SEC31A: variants seen among roughly 807,000 people sequenced by gnomAD.
The protein encoded by SEC31A is SEC31 homolog A, COPII component.
Under a neutral mutation model 151.0 loss-of-function variants are expected in SEC31A, and 70 were observed. That is an observed-to-expected ratio of 0.46 (90% CI 0.38 to 0.57). The LOEUF (loss-of-function observed/expected upper bound fraction) is 0.57, where lower values mean the gene tolerates loss of function less well. Among genes scored for constraint, SEC31A ranks in the 20% least tolerant of loss-of-function variants. The pLI is 0.00. For missense variants in SEC31A, 1,330 were observed against 1,471.2 expected (o/e 0.90, Z 1.57); for synonymous variants, 475 against 505.9 (o/e 0.94, Z 0.82).
chr4:82,886,449 G>C (rs1378611371), intron 1 of SEC31A, among the ~76,000 whole-genome samples: 1 of 152,106 alleles, frequency 6.6e-6, no homozygotes, highest in African/African-American at 2.4e-5. Flanking sequence ...TTATAATAGG[G>C]AGCCAAAAAA....
At chr4:82,857,197 C>T (rs1732863152) in intron 15 of SEC31A, 67 bp from the exon 16 acceptor site, 11 of 1,319,210 alleles carry the variant, frequency 8.3e-6, no homozygotes, top group South Asian at 2.6e-5. Context: ...CAACAAAGTA[C>T]TACATCTATC....
At chr4:82,890,747 G>A in intron 1 of SEC31A, 1 of 1,151,172 alleles carries the variant, frequency 8.7e-7, no homozygotes, top group Admixed American at 4.7e-5. Flanking sequence ...CTCGGGGACC[G>A]CACCTCTTTG....
At chr4:82,821,392 C>G in intron 25 of SEC31A, 1 of 254,634 alleles carries the variant, frequency 3.9e-6, no homozygotes, top group South Asian at 5.3e-5. Flanking sequence ...ACTAAAAATA[C>G]AAAAAATTTG....
upstream of SEC31A, chr4:82,893,536 A>G (rs753876116): frequency 2.0e-5 from 3 of 152,202 alleles, no homozygotes; most frequent in Non-Finnish European, 2.9e-5. Flanking sequence ...AGTAGCATCC[A>G]TTTCATTGTT....
rs527241711 is a variant in SEC31A, at chr4:82,859,870, C to A, written c.1626+1761G>T. Among the ~76,000 whole-genome samples, 3 of 151,152 alleles carry A rather than the reference C, an allele frequency of 2.0e-5. No individual in the cohort carries two copies. The South Asian group carries it at 6.3e-4, about 32-fold the overall frequency. On this transcript the variant is annotated intron_variant, in intron 14 of 26. Coordinates refer to ENST00000395310, the MANE Select transcript of SEC31A (RefSeq NM_001077207.4). ...GCAGTGGCGCATTCTCAGCTCACTG[C>A]AAGCTCCACCTCCTGGGTTCATGCC...
rs1731913047 is a variant in SEC31A, at chr4:82,853,607, G to T, written c.2117C>A (p.Thr706Asn). The part of the protein sequence containing the change: ...GNVEKLVACW[T>N]KAQDGSHPLS... ...AGGGTGGCTTCCATCTTGAGCTTTA[G>T]TCCAACATGCAACTAATTTCTCTAC... Residue 706 changes from threonine to asparagine, a missense_variant, in exon 18 of 27, where the codon ACT becomes AAT. By Grantham distance (65) the Thr-to-Asn change is moderately conservative. Transcript: ENST00000395310. 1 of 1,596,362 alleles carries T rather than the reference G, an allele frequency of 6.3e-7. No individual in the cohort carries two copies. The highest frequency in any genetic ancestry group is 1.8e-5 in the Admixed American group (1 of 54,548).
intron 26 of SEC31A, 38 bp from the exon 27 acceptor site, chr4:82,819,291 A>C: frequency 6.7e-7 from 1 of 1,482,910 alleles, no homozygotes; most frequent in Non-Finnish European, 9.1e-7. Flanking sequence ...AATTAAATTA[A>C]GGGATAACTT....
chr4:82,829,231 A>T (rs1425252352), intron 22 of SEC31A, 173 bp from the exon 23 acceptor site: 1 of 565,138 alleles, frequency 1.8e-6, no homozygotes, highest in Non-Finnish European at 3.2e-6. Flanking sequence ...TCACACTCAC[A>T]TCTCTTAATA....
In SEC31A at chr4:82,842,173, C is replaced by T; in HGVS notation, c.2935G>A (p.Ala979Thr). Residue 979 changes from alanine to threonine, a missense_variant, in exon 22 of 27, where the codon GCT (alanine) becomes ACT (threonine). Coordinates refer to ENST00000395310, the MANE Select transcript of SEC31A (RefSeq NM_001077207.4). ...TGGGACGCAGGCAGCTCACTGGCAG[C>T]AGGCAGTGTACCTGTTGTTCCAGGA... ...LPPGTTGTLPAASELPASQRT... is the reference protein window; with the variant it reads ...LPPGTTGTLPTASELPASQRT... 6.3e-7 allele frequency: 1 copy of T among 1,576,656 alleles called. No individual in the cohort carries two copies.
chr4:82,832,253 ACACATCTACCAG>A (rs1726115630), intron 22 of SEC31A, among the ~76,000 whole-genome samples: 1 of 152,124 alleles, frequency 6.6e-6, no homozygotes, highest in South Asian at 2.1e-4. Flanking sequence ...AAATACCACC[ACACATCTACCAG>A]CATCTGATAT....
At chr4:82,863,490 A>G (rs1034560771) in intron 11 of SEC31A, 98 bp from the exon 12 acceptor site, 1 of 667,916 alleles carries the variant, frequency 1.5e-6, no homozygotes, top group Non-Finnish European at 2.4e-6. Flanking sequence ...TATTAAAAAT[A>G]TCTGAAGTCT....
In SEC31A at chr4:82,868,424, C is replaced by T. The variant is rs1463320516; in HGVS notation, c.883-1108G>A. 8.6e-5 allele frequency among the ~76,000 whole-genome samples: 13 copies of T among 151,928 alleles called. No individual in the cohort carries two copies. The East Asian group carries it at 2.5e-3, about 29-fold the overall frequency. On this transcript the variant is annotated intron_variant, in intron 8 of 26. Coordinates refer to ENST00000395310, the MANE Select transcript of SEC31A (RefSeq NM_001077207.4). ...GCTGAGGTGGGAGGACTGATGGAGC[C>T]CAAGAGGTCAAGGTTTCAGTGACCC...
In SEC31A at chr4:82,851,515, C is replaced by T. The variant is rs773522435; in HGVS notation, c.2244G>A (p.Ala748=). 12 of 1,614,076 alleles carry T rather than the reference C, an allele frequency of 7.4e-6. No homozygotes were observed. Among genetic ancestry groups the T allele is most frequent in the South Asian group, 1.1e-5 (1 of 91,084 alleles). ...DTSTVGVLLA[A]KMSQYANLLA... ...ACAAATTGGCATACTGACTCATCTT[C>T]GCAGCCAAGAGAACTCCTACAGTAC... The change falls in exon 19 of 27, where the codon GCG becomes GCA. Residue 748 remains alanine (A), a synonymous_variant. Transcript: ENST00000395310.
chr4:82,888,046 A>AAAACAAACAAAC (rs56912648), intron 1 of SEC31A, among the ~76,000 whole-genome samples: 388 of 146,484 alleles, frequency 2.6e-3, no homozygotes, highest in Middle Eastern at 7.1e-3. Flanking sequence ...ACTCTGTCTC[A>AAAACAAACAAAC]AAACAAACAA....
chr4:82,860,629 C>G (rs1202652144), intron 14 of SEC31A, among the ~76,000 whole-genome samples: 1 of 146,128 alleles, frequency 6.8e-6, no homozygotes, highest in African/African-American at 2.4e-5. Context: ...TGTGCCACCA[C>G]GCCTGGCTAA....
chr4:82,844,852 A>G (rs559891010), intron 20 of SEC31A, among the ~76,000 whole-genome samples: 183 of 152,362 alleles, frequency 1.2e-3, no homozygotes, highest in Non-Finnish European at 1.8e-3. Context: ...TAAATGCCAT[A>G]AAGGGATCTT....
intron 21 of SEC31A, 29 bp downstream of exon 21, chr4:82,844,357 T>C (rs1256687982): frequency 1.9e-6 from 3 of 1,607,002 alleles, no homozygotes; most frequent in African/African-American, 1.3e-5. Context: ...AATACTGCTC[T>C]GAAAGGACTT....
chr4:82,844,071 T>C (rs1259716465), intron 21 of SEC31A: 2 of 340,684 alleles, frequency 5.9e-6, no homozygotes, highest in Non-Finnish European at 5.2e-6. Flanking sequence ...AAAAAGAATA[T>C]GTAAAAAATA....
intron 22 of SEC31A, among the ~76,000 whole-genome samples, chr4:82,840,359 A>G (rs1185636184): frequency 6.6e-6 from 1 of 152,056 alleles, no homozygotes; most frequent in Non-Finnish European, 1.5e-5. Context: ...CTACCGAGAA[A>G]GGATACTATC....
Sources: gnomAD v4.1 joint callset for allele counts (sites outside exome capture counted in the v4.1 genomes callset) on GRCh38, gnomAD v4.1.1 for gene constraint, MANE v1.5 for transcripts, NCBI Gene and HGNC (gene_info 2026-07-23, HGNC 2026-07-21) for gene names.